SLCO4A1: variants seen among roughly 807,000 people sequenced by gnomAD.
The protein encoded by SLCO4A1 is colon organic anion transporter.
In SLCO4A1, 51 loss-of-function variants were observed where a neutral mutation model predicts 64.6. That is an observed-to-expected ratio of 0.79 (90% CI 0.63 to 1.00). The LOEUF is 1.00. SLCO4A1 is among the 50% of genes least tolerant of loss of function. The pLI is 0.00. For missense variants in SLCO4A1, 919 were observed against 980.5 expected, an observed-to-expected ratio of 0.94 and a Z score of 0.84; for synonymous variants, 471 against 444.9, an observed-to-expected ratio of 1.06 and a Z score of -0.74.
chr20:62,642,748 G>A (rs1296329334), intron 1 of SLCO4A1, among the ~76,000 whole-genome samples, 195 bp downstream of exon 1: 2 of 152,162 alleles, frequency 1.3e-5, no homozygotes, highest in African/African-American at 4.8e-5. Context: ...GGAATCGGAG[G>A]CCAAATTCGC....
At chr20:62,668,367 G>C (rs73145490) in intron 9 of SLCO4A1, 110 bp from the exon 10 acceptor site, 2 of 1,308,932 alleles carry the variant, frequency 1.5e-6, no homozygotes, top group East Asian at 2.3e-5. Context: ...CCCACTTGGG[G>C]GGGGGTGATG....
intron 6 of SLCO4A1, 200 bp downstream of exon 6, chr20:62,665,288 C>T (rs1985904818): frequency 8.6e-6 from 5 of 580,584 alleles, no homozygotes; most frequent in South Asian, 7.2e-5. Flanking sequence ...TGGTCCTGCC[C>T]TCTTTGTGGG....
chr20:62,655,610 G>A (rs71323596), intron 1 of SLCO4A1, among the ~76,000 whole-genome samples: 1 of 152,176 alleles, frequency 6.6e-6, no homozygotes, highest in Non-Finnish European at 1.5e-5. Context: ...GCAGGGTTCA[G>A]AAGGAAGGTG....
At chr20:62,683,292 G>T (rs1987917057) in intron 2 of SLCO4A1, among the ~76,000 whole-genome samples, 1 of 152,048 alleles carries the variant, frequency 6.6e-6, no homozygotes, top group Admixed American at 6.5e-5. Flanking sequence ...CTCGGGAGCG[G>T]CCGTGACGGA....
chr20:62,681,932 A>C (rs1259059786), intron 2 of SLCO4A1, among the ~76,000 whole-genome samples: 1 of 152,212 alleles, frequency 6.6e-6, no homozygotes, highest in Non-Finnish European at 1.5e-5. Context: ...GGATGAACTA[A>C]TTTTATGGAA....
chr20:62,654,155 G>A (rs1027059296), intron 1 of SLCO4A1, among the ~76,000 whole-genome samples: 8 of 152,110 alleles, frequency 5.3e-5, no homozygotes, highest in Non-Finnish European at 7.4e-5. Flanking sequence ...AGTGGCTCCC[G>A]GGGCTCCAGG....
At chr20:62,663,852 T>C (rs988768682) in intron 5 of SLCO4A1, among the ~76,000 whole-genome samples, 3 of 152,226 alleles carry the variant, frequency 2.0e-5, no homozygotes, top group African/African-American at 7.2e-5. Context: ...CCTCGATCAC[T>C]GCACTGGCTG....
At chr20:62,658,884 A>G in intron 3 of SLCO4A1, 117 bp downstream of exon 3, 1 of 863,950 alleles carries the variant, frequency 1.2e-6, no homozygotes, top group Non-Finnish European at 1.8e-6. Flanking sequence ...GGTGCTGGGC[A>G]CCCCCCGGGC....
downstream of SLCO4A1, among the ~76,000 whole-genome samples, chr20:62,677,253 G>A (rs990938010): frequency 2.6e-5 from 4 of 152,202 alleles, no homozygotes; most frequent in Admixed American, 6.5e-5. Context: ...TTAAAAAACC[G>A]AATTGTACAC....
chr20:62,676,656 A>C (rs896424178), downstream of SLCO4A1, among the ~76,000 whole-genome samples: 44 of 152,212 alleles, frequency 2.9e-4, no homozygotes, highest in Non-Finnish European at 4.4e-5. Context: ...CGTCGTGGAG[A>C]ACTTGGAATC....
At chr20:62,676,815 T>C (rs757458069), downstream of SLCO4A1, among the ~76,000 whole-genome samples, 3 of 152,198 alleles carry the variant, frequency 2.0e-5, no homozygotes, top group Admixed American at 6.5e-5. Context: ...AATGAAGACA[T>C]ATGTCCACAT....
At position 62,671,644 on chromosome 20, in the gene SLCO4A1, G is replaced by A. The variant is rs544166318; in HGVS notation, c.2026-106G>A. 6.6e-5 allele frequency: 68 copies of A among 1,023,330 alleles called. 1 individual carries two copies. In the East Asian group the frequency reaches 8.1e-4, roughly 12 times the overall value. The allele number at this position is 1,023,330 out of a possible 1,614,324, so 63.4% of individuals were successfully genotyped here. On this transcript the variant is annotated intron_variant, in intron 11 of 11. Coordinates refer to ENST00000217159, the MANE Select transcript of SLCO4A1 (RefSeq NM_016354.4). ...CAGGATGGGTTTCCGTGGACCTGGT[G>A]AGGGTGCTGCAGGCTGGGGCAGGGA...
intron 2 of SLCO4A1, among the ~76,000 whole-genome samples, chr20:62,683,626 C>T (rs1987934422): frequency 6.6e-6 from 1 of 152,192 alleles, no homozygotes; most frequent in Non-Finnish European, 1.5e-5. Context: ...CACAAATGCT[C>T]ACTGTTGCGT....
At chr20:62,643,210 T>C (rs1328283949) in intron 1 of SLCO4A1, 1 of 345,880 alleles carries the variant, frequency 2.9e-6, no homozygotes, top group African/African-American at 2.2e-5. Flanking sequence ...TGGCCGTGGC[T>C]TGGGGGGACC....
chr20:62,665,202 C>CT (rs1216769681), intron 6 of SLCO4A1, 114 bp downstream of exon 6: 1 of 1,187,280 alleles, frequency 8.4e-7, no homozygotes, highest in Non-Finnish European at 1.2e-6. Flanking sequence ...TGAGTGCCCT[C>CT]CCACCCCCGC....
At chr20:62,676,536 C>T (rs1987603032), downstream of SLCO4A1, among the ~76,000 whole-genome samples, 1 of 152,172 alleles carries the variant, frequency 6.6e-6, no homozygotes, top group Non-Finnish European at 1.5e-5. Context: ...GGCCAACGAG[C>T]CCAGGAGAAG....
intron 1 of SLCO4A1, among the ~76,000 whole-genome samples, chr20:62,652,481 CTT>C (rs776931274): frequency 2.0e-4 from 31 of 152,302 alleles, no homozygotes; most frequent in Non-Finnish European, 4.0e-4. Context: ...GCTCCTCCGG[CTT>C]TTCCGCTGAC....
rs1192919622 is a variant in SLCO4A1, at chr20:62,685,369, G to C, written n.212-72G>C. 14 of 848,470 alleles carry C rather than the reference G, an allele frequency of 1.7e-5. No homozygotes were observed. The highest frequency in any genetic ancestry group is 2.0e-5 in the Non-Finnish European group (14 of 705,040). The allele number at this position is 848,470 out of a possible 1,614,324, so 52.6% of individuals were successfully genotyped here. On this transcript the variant is annotated intron_variant and non_coding_transcript_variant, in intron 2 of 2. Transcript: ENST00000466818. This position sits in a 1 kb window ranked among gnomAD's most constrained non-coding sequence, Gnocchi z 4.6. ...GTGGGTTCGTGGGGCAACTGCACCC[G>C]CTCCCTTCCACTCTGCTGTGGCCTG...
At chr20:62,656,171 C>T (rs1983677878) in intron 1 of SLCO4A1, among the ~76,000 whole-genome samples, 188 bp from the exon 2 acceptor site, 1 of 152,248 alleles carries the variant, frequency 6.6e-6, no homozygotes, top group Admixed American at 6.5e-5. Context: ...CGCAGCGGAG[C>T]TGTGGCTGGG....
Sources: gnomAD v4.1 joint callset for allele counts (sites outside exome capture counted in the v4.1 genomes callset) on GRCh38, gnomAD v4.1.1 for gene constraint, Gnocchi (gnomAD v3.1) non-coding constraint, MANE v1.5 for transcripts, NCBI Gene and HGNC (gene_info 2026-07-23, HGNC 2026-07-21) for gene names.